The following MAPKAP1 variants were observed in gnomAD, a reference collection of about 807,000 sequenced individuals.
MAPKAP1 encodes the protein target of rapamycin complex 2 subunit MAPKAP1.
A neutral mutation model predicts 65.7 loss-of-function variants in MAPKAP1; 20 were observed. The ratio of observed to expected loss-of-function variants is 0.30; its 90% CI spans 0.21 to 0.44. MAPKAP1 has a LOEUF of 0.44. Among genes scored for constraint, MAPKAP1 ranks in the 20% least tolerant of loss-of-function variants. The probability of loss-of-function intolerance (pLI) is 1.00; values close to 1 mark genes in which losing one functional copy is unlikely to be tolerated. For missense variants in MAPKAP1, 423 were observed against 648.0 expected, an observed-to-expected ratio of 0.65 and a Z score of 3.77; for synonymous variants, 222 against 244.3, an observed-to-expected ratio of 0.91 and a Z score of 0.85.
rs33954490 is a variant in MAPKAP1, at chr9:125,492,035, TA to T, written c.1067-7453del. On this transcript the variant is annotated intron_variant, in intron 8 of 11. Transcript: ENST00000265960. ...GTGAGACTTTATCTCTACTGAAAGT[TA>T]AAAAAAAAAAAAAAAAAGTCAGCTG... Among the ~76,000 whole-genome samples the T allele has an allele frequency of 7.0e-3, 874 of 125,386 alleles. 5 individuals carry two copies. Among genetic ancestry groups the T allele is most frequent in the African/African-American group, 0.02 (664 of 33,256 alleles). The allele number at this position is 125,386 out of a possible 152,430, so 82.3% of individuals were successfully genotyped here.
chr9:125,607,639 T>C (rs947158045), intron 4 of MAPKAP1, among the ~76,000 whole-genome samples: 1 of 126,928 alleles, frequency 7.9e-6, no homozygotes, highest in Non-Finnish European at 1.8e-5. Flanking sequence ...TCGCTTACTT[T>C]GCTTTTATTT....
intron 4 of MAPKAP1, among the ~76,000 whole-genome samples, chr9:125,611,147 C>T (rs956882479): frequency 3.3e-5 from 5 of 152,124 alleles, no homozygotes; most frequent in African/African-American, 9.7e-5. Context: ...AAAATGTTAA[C>T]AATTACTGAA....
chr9:125,549,949 C>T (rs773049011), intron 6 of MAPKAP1, among the ~76,000 whole-genome samples: 2 of 152,184 alleles, frequency 1.3e-5, no homozygotes, highest in African/African-American at 2.4e-5. Context: ...TAAAACACAC[C>T]GTGGGCTACT....
chr9:125,538,966 T>C (rs1830159509), intron 7 of MAPKAP1, among the ~76,000 whole-genome samples: 1 of 152,168 alleles, frequency 6.6e-6, no homozygotes, highest in Non-Finnish European at 1.5e-5. Context: ...CCAAACCCTG[T>C]TGTACATGTT....
chr9:125,465,144 A>G (rs1853629105), intron 10 of MAPKAP1, among the ~76,000 whole-genome samples: 1 of 152,248 alleles, frequency 6.6e-6, no homozygotes, highest in African/African-American at 2.4e-5. Flanking sequence ...AGATAAAAAC[A>G]TGAAAAAGGA....
At chr9:125,637,207 T>C (rs987959955) in intron 4 of MAPKAP1, among the ~76,000 whole-genome samples, 2 of 151,976 alleles carry the variant, frequency 1.3e-5, no homozygotes, top group Non-Finnish European at 2.9e-5. Flanking sequence ...AGGCCAAGGA[T>C]GCAGTGAGCT....
intron 11 of MAPKAP1, among the ~76,000 whole-genome samples, chr9:125,442,255 T>C (rs1852516921): frequency 2.0e-5 from 3 of 152,074 alleles, no homozygotes; most frequent in Admixed American, 2.0e-4. Context: ...TCTGGAGTCT[T>C]GTGCATGACA....
At chr9:125,698,290 T>TAA (rs1311885026) in intron 1 of MAPKAP1, among the ~76,000 whole-genome samples, 2 of 2,202 alleles carry the variant, frequency 9.1e-4, no homozygotes, top group East Asian at 8.5e-3. Flanking sequence ...TATATATAAA[T>TAA]ATATATATAT....
intron 10 of MAPKAP1, among the ~76,000 whole-genome samples, chr9:125,449,623 T>C (rs935890485): frequency 5.9e-5 from 9 of 152,284 alleles, no homozygotes; most frequent in South Asian, 4.1e-4. Context: ...ACAGAGAAGA[T>C]AGAATTTAAT....
intron 1 of MAPKAP1, among the ~76,000 whole-genome samples, chr9:125,698,855 C>T (rs1013957295): frequency 2.6e-5 from 4 of 152,158 alleles, no homozygotes; most frequent in African/African-American, 9.7e-5. Context: ...AAGTCCTTCT[C>T]TCAATACAGT....
chr9:125,466,670 A>G (rs934246635), intron 10 of MAPKAP1, among the ~76,000 whole-genome samples: 1 of 152,214 alleles, frequency 6.6e-6, no homozygotes, highest in African/African-American at 2.4e-5. Flanking sequence ...GCCCCCCAGC[A>G]GCAGGCACTT....
chr9:125,576,352 A>G (rs1356529175), intron 5 of MAPKAP1, among the ~76,000 whole-genome samples: 1 of 152,252 alleles, frequency 6.6e-6, no homozygotes, highest in African/African-American at 2.4e-5. Flanking sequence ...TATTAGTAAC[A>G]GGAGTAAAAT....
rs532893300 is a variant in MAPKAP1 at position 125,643,314 on chromosome 9, C to T, written c.498+14337G>A. 4.6e-5 allele frequency among the ~76,000 whole-genome samples: 7 copies of T among 152,042 alleles called. No individual in the cohort carries two copies. The East Asian group carries it at 1.4e-3, about 30-fold the overall frequency. ...GGTTCAAGCAATTCTCTTGCCTCAG[C>T]CTCCCGAGTAACTGAGACTACAGGC... is the stretch of plus-strand genomic sequence containing the variant. On this transcript the variant is annotated intron_variant, in intron 4 of 11. Coordinates refer to ENST00000265960, the MANE Select transcript of MAPKAP1 (RefSeq NM_001006617.3).
Position 125,619,627 on chromosome 9 carries a change from C to A in MAPKAP1, c.499-33900G>T, listed in dbSNP as rs567821773. On this transcript the variant is annotated intron_variant, in intron 4 of 11. Coordinates refer to ENST00000265960, the MANE Select transcript of MAPKAP1 (RefSeq NM_001006617.3). ...AAAATTAACAGAGAGAAATCAGGAA[C>A]CTTCATATATACGAACATAGCAGAA... 1.5e-4 allele frequency among the ~76,000 whole-genome samples: 23 copies of A among 152,014 alleles called. No individual in the cohort carries two copies. In the East Asian group the frequency reaches 4.0e-3, roughly 27 times the overall value.
intron 4 of MAPKAP1, among the ~76,000 whole-genome samples, chr9:125,649,980 C>A (rs73667027): frequency 0.048 from 7,339 of 152,162 alleles, 386 homozygotes; most frequent in African/African-American, 0.13. Flanking sequence ...TGCTTCCTAA[C>A]TCAGGGATGG....
At chr9:125,533,787 C>T (rs1830000003) in intron 7 of MAPKAP1, among the ~76,000 whole-genome samples, 1 of 152,146 alleles carries the variant, frequency 6.6e-6, no homozygotes. Flanking sequence ...TTTTCCTCAA[C>T]ATTTTAAATA....
At chr9:125,681,852 C>A (rs1050469029) in intron 1 of MAPKAP1, among the ~76,000 whole-genome samples, 2 of 152,210 alleles carry the variant, frequency 1.3e-5, no homozygotes, top group Non-Finnish European at 2.9e-5. Context: ...CTCACTGCGG[C>A]CTTGACTTCC....
At chr9:125,624,435 G>A (rs1305789251) in intron 4 of MAPKAP1, among the ~76,000 whole-genome samples, 2 of 116,090 alleles carry the variant, frequency 1.7e-5, no homozygotes, top group Non-Finnish European at 3.7e-5. Context: ...AGGGAGGTGG[G>A]GGGGGTCAGC....
intron 7 of MAPKAP1, among the ~76,000 whole-genome samples, chr9:125,532,247 C>A (rs12553699): frequency 6.6e-6 from 1 of 151,998 alleles, no homozygotes; most frequent in Non-Finnish European, 1.5e-5. Flanking sequence ...TTTTCTACCA[C>A]AAAAAAGAGA....
Sources: allele counts gnomAD v4.1 joint callset (sites outside exome capture counted in the v4.1 genomes callset), GRCh38; gene constraint gnomAD v4.1.1; transcripts MANE v1.5; gene names NCBI Gene and HGNC (gene_info 2026-07-23, HGNC 2026-07-21).